The following SGCD variants were observed in gnomAD, a reference collection of about 807,000 sequenced individuals.
SGCD encodes delta-sarcoglycan.
A neutral mutation model predicts 36.6 loss-of-function variants in SGCD; 18 were observed. The ratio of observed to expected loss-of-function variants is 0.49; its 90% CI spans 0.34 to 0.73. The LOEUF is 0.73. Ranked by LOEUF, SGCD falls within the 30% of genes least tolerant of loss-of-function variation. SGCD has a pLI of 0.01. For missense variants in SGCD, 387 were observed against 346.7 expected, an observed-to-expected ratio of 1.12 and a Z score of -0.92; for synonymous variants, 133 against 130.6, an observed-to-expected ratio of 1.02 and a Z score of -0.12.
At chr5:156,546,152 C>A (rs1758563638) in intron 4 of SGCD, among the ~76,000 whole-genome samples, 2 of 152,196 alleles carry the variant, frequency 1.3e-5, no homozygotes, top group Non-Finnish European at 2.9e-5. Context: ...TTATTTAACT[C>A]ATTTGCCAAA....
At chr5:156,465,302 G>T (rs1754673636) in intron 3 of SGCD, among the ~76,000 whole-genome samples, 1 of 152,138 alleles carries the variant, frequency 6.6e-6, no homozygotes, top group Non-Finnish European at 1.5e-5. Context: ...AATTCTGTAG[G>T]TCTGGAGTGG....
intron 7 of SGCD, among the ~76,000 whole-genome samples, chr5:156,711,106 G>T (rs157348): frequency 6.6e-6 from 1 of 152,194 alleles, no homozygotes; most frequent in South Asian, 2.1e-4. Flanking sequence ...GAATTACCAA[G>T]GGAGAAGCAT....
chr5:155,774,088 C>T, the SGCD span, among the ~76,000 whole-genome samples: 29 of 152,066 alleles, frequency 1.9e-4, no homozygotes, highest in African/African-American at 7.0e-4. Flanking sequence ...TCCATTTTGC[C>T]ATTCAGTTAA....
chr5:156,178,858 G>A (rs138186293), intron 3 of SGCD, among the ~76,000 whole-genome samples: 4,269 of 152,234 alleles, frequency 0.028, 173 homozygotes, highest in African/African-American at 0.086. Flanking sequence ...GAGCCACCGC[G>A]CCCAGCCTGA....
intron 4 of SGCD, among the ~76,000 whole-genome samples, chr5:156,574,726 A>G (rs906092625): frequency 5.3e-5 from 8 of 152,148 alleles, no homozygotes; most frequent in African/African-American, 1.7e-4. Context: ...ATCAGATTGT[A>G]TCTCTCCCAT....
intron 2 of SGCD, among the ~76,000 whole-genome samples, chr5:156,332,477 A>G (rs926908234): frequency 2.6e-5 from 4 of 152,178 alleles, no homozygotes; most frequent in Non-Finnish European, 5.9e-5. Context: ...ACATGTTTAC[A>G]TTTGTCTGCT....
At chr5:155,971,371 C>A (rs575626324) in intron 1 of SGCD, among the ~76,000 whole-genome samples, 10 of 152,044 alleles carry the variant, frequency 6.6e-5, no homozygotes. Flanking sequence ...CCAGAGGAGG[C>A]GACTAATGTT....
At chr5:156,197,543 G>T (rs888917672) in intron 3 of SGCD, among the ~76,000 whole-genome samples, 2 of 149,026 alleles carry the variant, frequency 1.3e-5, no homozygotes, top group Non-Finnish European at 1.5e-5. Context: ...GAGAGCCAGA[G>T]AAGTAAAAGT....
At chr5:156,471,550 G>A (rs539464372) in intron 3 of SGCD, among the ~76,000 whole-genome samples, 97 of 152,180 alleles carry the variant, frequency 6.4e-4, no homozygotes, top group Non-Finnish European at 1.1e-3. Context: ...AAGGTCATTC[G>A]ATTTGAGGAA....
At chr5:155,794,188 G>T in the SGCD span, among the ~76,000 whole-genome samples, 1 of 152,090 alleles carries the variant, frequency 6.6e-6, no homozygotes, top group Non-Finnish European at 1.5e-5. Flanking sequence ...AAGCAGATCA[G>T]TCTCTGGTAA....
the SGCD span, among the ~76,000 whole-genome samples, chr5:155,756,289 T>C: frequency 6.6e-6 from 1 of 152,244 alleles, no homozygotes; most frequent in Admixed American, 6.5e-5. Context: ...GTACTGATTA[T>C]CCATAGGGTC....
At chr5:156,280,487 G>A (rs556886847) in intron 3 of SGCD, among the ~76,000 whole-genome samples, 2 of 152,288 alleles carry the variant, frequency 1.3e-5, no homozygotes, top group East Asian at 3.9e-4. Context: ...AAGACCTCCT[G>A]ATGGCATTTT....
rs191788192 is a variant in SGCD at position 155,877,409 on chromosome 5, C to A, written c.-282+6985C>A. On this transcript the variant is annotated intron_variant, in intron 1 of 9. Transcript: ENST00000517913. ...TTTAAGATAAAGTTCTTCCTTCTTG[C>A]AAATATGGACAATGTGAGCAGTTTA... 8.8e-4 allele frequency among the ~76,000 whole-genome samples: 134 copies of A among 152,208 alleles called. 3 individuals are homozygous for A. The highest frequency in any genetic ancestry group is 8.7e-3 in the Admixed American group (133 of 15,266).
At chr5:156,427,375 G>A (rs186768575) in intron 3 of SGCD, among the ~76,000 whole-genome samples, 3 of 151,970 alleles carry the variant, frequency 2.0e-5, no homozygotes, top group Non-Finnish European at 2.9e-5. Flanking sequence ...TGCTATTGAT[G>A]CATATGTTGA....
At chr5:155,891,459 C>G (rs908168071) in intron 1 of SGCD, among the ~76,000 whole-genome samples, 3 of 151,316 alleles carry the variant, frequency 2.0e-5, no homozygotes, top group Non-Finnish European at 4.4e-5. Context: ...AGTAATAGTA[C>G]TCATCTAATT....
intron 3 of SGCD, among the ~76,000 whole-genome samples, chr5:156,499,453 T>C (rs960590849): frequency 2.0e-5 from 3 of 152,144 alleles, no homozygotes; most frequent in Non-Finnish European, 1.5e-5. Context: ...AGGACATAGA[T>C]ATAAATGGAC....
chr5:155,961,604 G>T (rs113350881), intron 1 of SGCD, among the ~76,000 whole-genome samples: 3,760 of 152,162 alleles, frequency 0.025, 156 homozygotes, highest in African/African-American at 0.08. Flanking sequence ...GTGTGTTGCC[G>T]TCCTACCATC....
chr5:155,864,136 G>A, the SGCD span, among the ~76,000 whole-genome samples: 3 of 152,174 alleles, frequency 2.0e-5, no homozygotes, highest in African/African-American at 7.2e-5. Flanking sequence ...ATTTCTGGGG[G>A]AAGGTTTTCC....
chr5:156,069,192 C>T (rs2127586709), intron 1 of SGCD, among the ~76,000 whole-genome samples: 1 of 152,168 alleles, frequency 6.6e-6, no homozygotes, highest in African/African-American at 2.4e-5. Context: ...ACATAAAGTC[C>T]TTGCCCATGC....
Sources: allele counts gnomAD v4.1 joint callset (sites outside exome capture counted in the v4.1 genomes callset), GRCh38; gene constraint gnomAD v4.1.1; transcripts MANE v1.5; gene names NCBI Gene and HGNC (gene_info 2026-07-23, HGNC 2026-07-21).